Variants in RBBP4 observed in about 807,000 individuals in gnomAD.
The protein encoded by RBBP4 is RB binding protein 4, chromatin remodeling factor.
A neutral mutation model predicts 57.2 loss-of-function variants in RBBP4; 3 were observed. The ratio of observed to expected loss-of-function variants is 0.05; its 90% confidence interval spans 0.02 to 0.14. RBBP4 has a LOEUF of 0.14. RBBP4 is among the 10% of genes least tolerant of loss of function. The pLI, the probability that RBBP4 is intolerant of heterozygous loss-of-function variation, is 1.00. For missense variants in RBBP4, 107 were observed against 520.6 expected (o/e 0.21, Z 7.73); for synonymous variants, 151 against 171.5 (o/e 0.88, Z 0.93).
At chr1:32,670,597 C>T (rs1648832111) in intron 8 of RBBP4, among the ~76,000 whole-genome samples, 1 of 151,746 alleles carries the variant, frequency 6.6e-6, no homozygotes, top group African/African-American at 2.4e-5. Flanking sequence ...TTTGAGACGG[C>T]ATTTTGCTCT....
rs200303004 is a variant in RBBP4, at chr1:32,651,921, C to T, written c.24C>T (p.Phe8=). The change falls in exon 2 of 12, where the codon TTC becomes TTT. Residue 8 remains phenylalanine, a synonymous_variant. Coordinates refer to ENST00000373493, the MANE Select transcript of RBBP4 (RefSeq NM_005610.3). MADKEAA[F]DDAVEERVIN... is the part of the protein sequence containing the mutation. ...TGTTTTTAAAAATTTTAGCAGCCTT[C>T]GACGACGCAGTGGAAGAACGAGTGA... The T allele has an allele frequency of 1.6e-4, 251 of 1,613,722 alleles. 5 individuals carry two copies. The highest frequency in any genetic ancestry group is 1.1e-3 in the South Asian group (97 of 91,066).
chr1:32,663,522 C>T (rs745331911), intron 3 of RBBP4, among the ~76,000 whole-genome samples: 10 of 151,946 alleles, frequency 6.6e-5, no homozygotes, highest in Non-Finnish European at 1.3e-4. Flanking sequence ...TCACTGCAGC[C>T]GCAGCCTCCC....
chr1:32,681,735 T>G lies in RBBP4; in HGVS notation c.*2030T>G, dbSNP rs1052823231. 6.4e-7 allele frequency: 1 copy of G among 1,563,484 alleles called. No individual in the cohort carries two copies. Among genetic ancestry groups the G allele is most frequent in the South Asian group, 1.1e-5 (1 of 88,916 alleles). On this transcript the variant is annotated 3_prime_UTR_variant, in exon 12 of 12. Transcript: ENST00000373493. ...TTGCAACTTCCACAGGATGAATTGC[T>G]TGCCAAGTTTCTGGCACTCTTGTCT...
chr1:32,681,780 A>G lies in RBBP4; in HGVS notation c.*2075A>G, dbSNP rs1439991450. The G allele has an allele frequency of 3.7e-6, 6 of 1,613,784 alleles. No individual in the cohort carries two copies. The African/African-American group carries it at 4.0e-5, about 11-fold the overall frequency. On this transcript the variant is annotated 3_prime_UTR_variant, in exon 12 of 12. Transcript: ENST00000373493. ...TTGTCTGGTTGGAAGAGTACATCCA[A>G]AGGGTACTTAGTGATCCTTTGCTAA...
chr1:32,657,749 C>T, intron 3 of RBBP4, 177 bp downstream of exon 3: 1 of 669,528 alleles, frequency 1.5e-6, no homozygotes, highest in Admixed American at 3.6e-5. Context: ...AAATACTTAA[C>T]ACATCCTTGG....
At chr1:32,651,544 GTGTT>G (rs1455569568) in intron 1 of RBBP4, 3 of 1,239,210 alleles carry the variant, frequency 2.4e-6, no homozygotes, top group Non-Finnish European at 3.2e-6. Context: ...CCCCCGGCCA[GTGTT>G]TGTTTCTCTT....
rs1250139628 is a variant in RBBP4 at position 32,658,558 on chromosome 1, T to TC, written c.310+986_310+987insC. On this transcript the variant is annotated intron_variant, in intron 3 of 11. Transcript: ENST00000373493. ...AATGCTTAAACGCTTTCCTTTTTTT[T>TC]TTTTTGGAGATGGAGTCTCGCTCTG... Among the ~76,000 whole-genome samples, 478 of 151,292 alleles carry TC rather than the reference T, an allele frequency of 3.2e-3. 2 individuals are homozygous for TC. Among genetic ancestry groups the TC allele is most frequent in the African/African-American group, 0.011 (444 of 41,220 alleles).
At chr1:32,651,811 C>T in intron 1 of RBBP4, 103 bp from the exon 2 acceptor site, 4 of 1,322,028 alleles carry the variant, frequency 3.0e-6, no homozygotes, top group Non-Finnish European at 4.2e-6. Flanking sequence ...GACAAATCAC[C>T]TCCATTTCAT....
intron 11 of RBBP4, among the ~76,000 whole-genome samples, 169 bp downstream of exon 11, chr1:32,673,070 AT>A (rs1380669360): frequency 1.3e-5 from 2 of 152,146 alleles, no homozygotes; most frequent in Non-Finnish European, 2.9e-5. Context: ...TCTTGACTGT[AT>A]TTGGTCATAC....
intron 2 of RBBP4, among the ~76,000 whole-genome samples, chr1:32,655,660 G>C (rs1398027876): frequency 2.6e-5 from 4 of 152,052 alleles, no homozygotes; most frequent in African/African-American, 9.7e-5. Flanking sequence ...ATATCTTACT[G>C]GCTTCCCCAG....
At chr1:32,668,082 A>G in intron 3 of RBBP4, 143 bp from the exon 4 acceptor site, 3 of 705,834 alleles carry the variant, frequency 4.3e-6, no homozygotes, top group East Asian at 2.9e-5. Context: ...AGCACTTTAT[A>G]GTGCTAGCAA....
Position 32,682,023 on chromosome 1 carries a change from G to GTGA in RBBP4, c.*2321_*2323dup. On this transcript the variant is annotated 3_prime_UTR_variant, in exon 12 of 12. Coordinates refer to ENST00000373493, the MANE Select transcript of RBBP4 (RefSeq NM_005610.3). ...TCCTGTTTGTCAAATAGAATGAATGGTGATGGTGATGGGAGGGATAGTTAA... is the reference window on the plus strand; with the variant it reads ...TCCTGTTTGTCAAATAGAATGAATGGTGATGATGGTGATGGGAGGGATAGTTAA... 1.6e-6 allele frequency: 1 copy of GTGA among 623,978 alleles called. No individual in the cohort carries two copies. Among genetic ancestry groups the GTGA allele is most frequent in the Non-Finnish European group, 2.9e-6 (1 of 349,606 alleles). The allele number at this position is 623,978 out of a possible 1,614,324, so 38.7% of individuals were successfully genotyped here. A position where few individuals can be genotyped will look rare whatever the true frequency, so the allele number is the denominator to read the frequency against.
At position 32,685,857 on chromosome 1, in the gene RBBP4, A is replaced by C. The variant is rs1230010298; in HGVS notation, c.*6152A>C. On this transcript the variant is annotated 3_prime_UTR_variant, in exon 12 of 12. Coordinates refer to ENST00000373493, the MANE Select transcript of RBBP4 (RefSeq NM_005610.3). Reference sequence around the variant, plus strand: ...ACAGTGGCATTAAGGATGGTCTCTTAATCCTGTGTTAACCACTAGATTAAC... The same window carrying C: ...ACAGTGGCATTAAGGATGGTCTCTTCATCCTGTGTTAACCACTAGATTAAC... 6.6e-6 allele frequency: 1 copy of C among 152,210 alleles called. No individual in the cohort carries two copies. Among genetic ancestry groups the C allele is most frequent in the East Asian group, 1.9e-4 (1 of 5,200 alleles). The allele number at this position is 152,210 out of a possible 1,614,324, so 9.4% of individuals were successfully genotyped here. A position where few individuals can be genotyped will look rare whatever the true frequency, so the allele number is the denominator to read the frequency against.
chr1:32,659,538 C>CAA (rs11414138), intron 3 of RBBP4, among the ~76,000 whole-genome samples: 12,632 of 146,176 alleles, frequency 0.086, 1,546 homozygotes, highest in African/African-American at 0.27. Context: ...CCAGCCTGGG[C>CAA]AAAAAAAAAA....
rs372285843 is a variant in RBBP4, at chr1:32,680,357, G to GTTTTTTTTTTTTTTTTTTTTTA, written c.*671_*672insTTATTTTTTTTTTTTTTTTTTT. ...AATGGTGTTTTTTTTTTTGTTGTTG[G>GTTTTTTTTTTTTTTTTTTTTTA]TTTTTTTTTTTTTTTTTTTAACTTG... On this transcript the variant is annotated 3_prime_UTR_variant, in exon 12 of 12. Coordinates refer to ENST00000373493, the MANE Select transcript of RBBP4 (RefSeq NM_005610.3). The GTTTTTTTTTTTTTTTTTTTTTA allele has an allele frequency of 1.3e-6, 1 of 771,604 alleles. No homozygotes were observed. Among genetic ancestry groups the GTTTTTTTTTTTTTTTTTTTTTA allele is most frequent in the African/African-American group, 2.3e-5 (1 of 42,836 alleles). 47.8% of individuals were successfully genotyped at this position (771,604 alleles called of 1,614,324 possible).
intron 3 of RBBP4, 64 bp from the exon 4 acceptor site, chr1:32,668,161 A>G: frequency 1.4e-6 from 2 of 1,452,776 alleles, no homozygotes; most frequent in East Asian, 4.6e-5. Context: ...CTGTGTTCTT[A>G]TACTCTGGGT....
intron 2 of RBBP4, 26 bp downstream of exon 2, chr1:32,652,087 T>C (rs1286407924): frequency 5.0e-6 from 8 of 1,595,168 alleles, no homozygotes; most frequent in Non-Finnish European, 6.0e-6. Flanking sequence ...CGAACGTTAT[T>C]TTGATGTATT....
At position 32,684,104 on chromosome 1, in the gene RBBP4, A is replaced by G. The variant is rs775952165; in HGVS notation, c.*4399A>G. 5.0e-6 allele frequency: 8 copies of G among 1,600,542 alleles called. No individual in the cohort carries two copies. Among genetic ancestry groups the G allele is most frequent in the Non-Finnish European group, 6.8e-6 (8 of 1,173,302 alleles). On this transcript the variant is annotated 3_prime_UTR_variant, in exon 12 of 12. Coordinates refer to ENST00000373493, the MANE Select transcript of RBBP4 (RefSeq NM_005610.3). ...GTAGCATAGCCCTTTAAAAAGAGAGAGCCATTTTCCATGTGTTTTTGGATA... is the reference window on the plus strand; with the variant it reads ...GTAGCATAGCCCTTTAAAAAGAGAGGGCCATTTTCCATGTGTTTTTGGATA...
chr1:32,659,099 T>G (rs907730910), intron 3 of RBBP4, among the ~76,000 whole-genome samples: 1 of 146,696 alleles, frequency 6.8e-6, no homozygotes, highest in African/African-American at 2.5e-5. Context: ...TATATTTATA[T>G]TGTGTGTAAT....
Sources: gnomAD v4.1 joint callset for allele counts (sites outside exome capture counted in the v4.1 genomes callset) on GRCh38, gnomAD v4.1.1 for gene constraint, MANE v1.5 for transcripts, NCBI Gene and HGNC (gene_info 2026-07-23, HGNC 2026-07-21) for gene names.